Variants in BCKDHB observed in about 807,000 individuals in gnomAD.
The protein encoded by BCKDHB is 2-oxoisovalerate dehydrogenase subunit beta, mitochondrial.
Under a neutral mutation model 48.5 loss-of-function variants are expected in BCKDHB, and 41 were observed. The ratio of observed to expected loss-of-function variants is 0.85; its 90% CI spans 0.66 to 1.10. The LOEUF (loss-of-function observed/expected upper bound fraction) is 1.10, where lower values mean the gene tolerates loss of function less well. Among genes scored for constraint, BCKDHB ranks in the 50% least tolerant of loss-of-function variants. BCKDHB has a pLI of 0.00. For missense variants in BCKDHB, 496 were observed against 494.2 expected (o/e 1.00, Z -0.03); for synonymous variants, 201 against 174.8 (o/e 1.15, Z -1.18).
At chr6:80,387,597 T>C in the BCKDHB span, among the ~76,000 whole-genome samples, 1 of 152,228 alleles carries the variant, frequency 6.6e-6, no homozygotes, top group Non-Finnish European at 1.5e-5. Flanking sequence ...GTGGTTTCAT[T>C]GCTTGAGCAA....
the BCKDHB span, among the ~76,000 whole-genome samples, chr6:80,398,637 A>G: frequency 7.2e-5 from 11 of 152,204 alleles, no homozygotes; most frequent in African/African-American, 2.4e-4. Context: ...AGACAGATTC[A>G]CAGTCAAATT....
the BCKDHB span, among the ~76,000 whole-genome samples, chr6:80,358,523 A>G: frequency 1.3e-5 from 2 of 152,228 alleles, no homozygotes; most frequent in African/African-American, 4.8e-5. Context: ...TATTCACACA[A>G]TGGAATATTA....
chr6:80,246,848 C>A (rs1053817767), intron 8 of BCKDHB, among the ~76,000 whole-genome samples: 51 of 152,144 alleles, frequency 3.4e-4, no homozygotes, highest in African/African-American at 1.2e-3. Context: ...TGCACACACA[C>A]ATACACACAT....
At chr6:80,307,190 C>G (rs1395324597) in intron 9 of BCKDHB, among the ~76,000 whole-genome samples, 1 of 152,084 alleles carries the variant, frequency 6.6e-6, no homozygotes, top group Non-Finnish European at 1.5e-5. Flanking sequence ...CAGTTAGAAC[C>G]TACTACTTAT....
chr6:80,242,039 C>G (rs1008736137), intron 8 of BCKDHB, among the ~76,000 whole-genome samples: 4 of 152,128 alleles, frequency 2.6e-5, no homozygotes, highest in African/African-American at 9.7e-5. Flanking sequence ...TCTTTTGATG[C>G]ACGGAAGTTT....
chr6:80,261,808 C>T (rs1777315606), intron 8 of BCKDHB, among the ~76,000 whole-genome samples: 1 of 152,056 alleles, frequency 6.6e-6, no homozygotes, highest in South Asian at 2.1e-4. Flanking sequence ...TCTTAGAGAC[C>T]TGCTTTTCTT....
chr6:80,397,453 A>AAGCAGAGG, the BCKDHB span, among the ~76,000 whole-genome samples: 2 of 152,228 alleles, frequency 1.3e-5, no homozygotes, highest in African/African-American at 2.4e-5. Flanking sequence ...TAACAGAGAT[A>AAGCAGAGG]TCAAGAGAAA....
Position 80,187,910 on chromosome 6 carries a change from G to A in BCKDHB, c.743-13024G>A, listed in dbSNP as rs565968586. Among the ~76,000 whole-genome samples the A allele has an allele frequency of 2.8e-3, 427 of 152,242 alleles. 2 individuals carry two copies. Among genetic ancestry groups the A allele is most frequent in the Non-Finnish European group, 2.9e-3 (198 of 68,000 alleles). Reference sequence around the variant, plus strand: ...TCAACTGGTTTAGCCATTGTGGAAAGCAGTTTTGTGTTTTCTCAAAGAACT... The same window carrying A: ...TCAACTGGTTTAGCCATTGTGGAAAACAGTTTTGTGTTTTCTCAAAGAACT... On this transcript the variant is annotated intron_variant, in intron 6 of 9. Coordinates refer to ENST00000320393, the MANE Select transcript of BCKDHB (RefSeq NM_183050.4).
At position 80,262,636 on chromosome 6, in the gene BCKDHB, G is replaced by A. The variant is rs530073900; in HGVS notation, c.952-10499G>A. On this transcript the variant is annotated intron_variant, in intron 8 of 9. Transcript: ENST00000320393. Reference sequence around the variant, plus strand: ...ACTTTGTGACATTAATGGGTGAAATGCCACTTTGTCCTTACTTTTAAACTT... The same window carrying A: ...ACTTTGTGACATTAATGGGTGAAATACCACTTTGTCCTTACTTTTAAACTT... 8.9e-4 allele frequency among the ~76,000 whole-genome samples: 136 copies of A among 152,248 alleles called. 1 individual carries two copies. The highest frequency in any genetic ancestry group is 3.2e-3 in the African/African-American group (133 of 41,550).
intron 8 of BCKDHB, among the ~76,000 whole-genome samples, chr6:80,212,919 A>G (rs1348321225): frequency 6.6e-6 from 1 of 152,214 alleles, no homozygotes; most frequent in African/African-American, 2.4e-5. Flanking sequence ...AGCATGAGCT[A>G]AAATGTTACG....
intron 9 of BCKDHB, among the ~76,000 whole-genome samples, chr6:80,283,333 C>T (rs1267843982): frequency 6.6e-6 from 1 of 151,940 alleles, no homozygotes; most frequent in Non-Finnish European, 1.5e-5. Flanking sequence ...TGAAGTCTTT[C>T]TGGATTTAAG....
At chr6:80,446,503 C>G in the BCKDHB span, among the ~76,000 whole-genome samples, 1 of 152,196 alleles carries the variant, frequency 6.6e-6, no homozygotes, top group South Asian at 2.1e-4. Flanking sequence ...CAGGACTCAG[C>G]TGGGCCCTTG....
chr6:80,218,721 C>T lies in BCKDHB; in HGVS notation c.951+15509C>T, dbSNP rs145383618. On this transcript the variant is annotated intron_variant, in intron 8 of 9. Coordinates refer to ENST00000320393, the MANE Select transcript of BCKDHB (RefSeq NM_183050.4). ...ACTATGTAAGAAGATGATGTTAATG[C>T]CCTCTACTCCTATATCCACTGTTCT... 5.7e-4 allele frequency among the ~76,000 whole-genome samples: 87 copies of T among 152,216 alleles called. 1 individual carries two copies. Among genetic ancestry groups the T allele is most frequent in the African/African-American group, 2.0e-3 (83 of 41,534 alleles).
At chr6:80,457,970 C>T in the BCKDHB span, among the ~76,000 whole-genome samples, 3 of 152,156 alleles carry the variant, frequency 2.0e-5, no homozygotes, top group African/African-American at 7.2e-5. Flanking sequence ...TTAGCTGAAG[C>T]TTGTATATAG....
chr6:80,261,771 C>T (rs1777313509), intron 8 of BCKDHB, among the ~76,000 whole-genome samples: 1 of 152,092 alleles, frequency 6.6e-6, no homozygotes, highest in Non-Finnish European at 1.5e-5. Flanking sequence ...TTGCTTAACA[C>T]TTTCTTCTGG....
the BCKDHB span, among the ~76,000 whole-genome samples, chr6:80,436,510 G>A: frequency 6.6e-6 from 1 of 152,050 alleles, no homozygotes; most frequent in Non-Finnish European, 1.5e-5. Flanking sequence ...ATGTATTTAA[G>A]CATGTTAGAT....
chr6:80,156,952 A>G (rs1446271930), intron 3 of BCKDHB, among the ~76,000 whole-genome samples: 1 of 152,136 alleles, frequency 6.6e-6, no homozygotes, highest in Non-Finnish European at 1.5e-5. Flanking sequence ...TCTTTTTATC[A>G]GGGTAATAAA....
the BCKDHB span, among the ~76,000 whole-genome samples, chr6:80,388,891 C>G: frequency 6.6e-6 from 1 of 152,194 alleles, no homozygotes; most frequent in African/African-American, 2.4e-5. Context: ...GAACTTCGAG[C>G]AGTGAACCCA....
the BCKDHB span, among the ~76,000 whole-genome samples, chr6:80,357,412 G>T: frequency 2.6e-5 from 4 of 152,066 alleles, no homozygotes; most frequent in Admixed American, 2.6e-4. Flanking sequence ...TTGCCTGCCA[G>T]TGCTTCCCAC....
Sources: gnomAD v4.1 joint callset for allele counts (sites outside exome capture counted in the v4.1 genomes callset) on GRCh38, gnomAD v4.1.1 for gene constraint, MANE v1.5 for transcripts, NCBI Gene and HGNC (gene_info 2026-07-23, HGNC 2026-07-21) for gene names.